MED13L: variants seen among roughly 807,000 people sequenced by gnomAD.
The protein encoded by MED13L is mediator of RNA polymerase II transcription subunit 13-like.
MED13L carries 7 observed loss-of-function variants against 220.9 expected under a neutral mutation model. That is an observed-to-expected ratio of 0.03 (90% confidence interval 0.02 to 0.06). The LOEUF is 0.06. Ranked by LOEUF, MED13L falls within the 10% of genes least tolerant of loss-of-function variation. MED13L has a pLI of 1.00. For synonymous variants in MED13L, 1,011 were observed against 1,015.2 expected (o/e 1.00, Z 0.08); for missense variants, 1,965 against 2,760.5 (o/e 0.71, Z 6.46).
At chr12:116,125,721 T>C (rs143835152) in intron 2 of MED13L, among the ~76,000 whole-genome samples, 2 of 152,342 alleles carry the variant, frequency 1.3e-5, no homozygotes, top group African/African-American at 4.8e-5. Context: ...ATCAAATTAC[T>C]TCTGCATACT....
chr12:116,100,625 A>C (rs1212129678), intron 3 of MED13L, among the ~76,000 whole-genome samples: 1 of 149,570 alleles, frequency 6.7e-6, no homozygotes. Context: ...AAAAAAAATT[A>C]ATCAGCCAGG....
At chr12:116,238,797 T>TA (rs1870337176) in intron 1 of MED13L, among the ~76,000 whole-genome samples, 1 of 152,186 alleles carries the variant, frequency 6.6e-6, no homozygotes, top group Admixed American at 6.5e-5. Context: ...TAATCCAAAT[T>TA]AAAAAGGTTT....
In MED13L at chr12:115,959,016, T is replaced by A. The variant is rs939002687; in HGVS notation, c.*2250A>T. ...TTCCAAAATTAAAAATAAAAAAAAA[T>A]AAAATAACTTCTCACTCTGTAGCAA... On this transcript the variant is annotated 3_prime_UTR_variant, in exon 31 of 31. Transcript: ENST00000281928. The A allele has an allele frequency of 1.3e-5, 2 of 152,142 alleles. No individual in the cohort carries two copies. Among genetic ancestry groups the A allele is most frequent in the Non-Finnish European group, 2.9e-5 (2 of 67,944 alleles). 9.4% of individuals were successfully genotyped at this position (152,142 alleles called of 1,614,324 possible).
chr12:116,070,567 G>A (rs937496448), intron 4 of MED13L, among the ~76,000 whole-genome samples: 1 of 152,030 alleles, frequency 6.6e-6, no homozygotes, highest in East Asian at 1.9e-4. Context: ...CAAAGTTCAG[G>A]CTCTTTAGCA....
At chr12:116,102,073 A>G (rs1005576839) in intron 3 of MED13L, among the ~76,000 whole-genome samples, 1 of 152,100 alleles carries the variant, frequency 6.6e-6, no homozygotes, top group Admixed American at 6.6e-5. Flanking sequence ...TCTGTTCCCA[A>G]CCCCCACCAC....
At chr12:116,200,138 G>GT (rs1452030259) in intron 2 of MED13L, among the ~76,000 whole-genome samples, 3 of 150,112 alleles carry the variant, frequency 2.0e-5, no homozygotes, top group Non-Finnish European at 4.4e-5. Context: ...TAAATAGCCT[G>GT]TTTTTTAAAA....
intron 1 of MED13L, among the ~76,000 whole-genome samples, chr12:116,249,916 G>A (rs1871373509): frequency 6.7e-6 from 1 of 149,262 alleles, no homozygotes; most frequent in South Asian, 2.1e-4. Context: ...ATGTAGGAGA[G>A]AAGGGGGACA....
chr12:116,256,414 G>A (rs73200241), intron 1 of MED13L, among the ~76,000 whole-genome samples: 36,496 of 151,926 alleles, frequency 0.24, 4,504 homozygotes, highest in Middle Eastern at 0.33. Context: ...ACAGCAGATT[G>A]GTAGTTGCCT....
intron 2 of MED13L, among the ~76,000 whole-genome samples, chr12:116,208,361 A>G (rs1279895009): frequency 6.6e-6 from 1 of 152,194 alleles, no homozygotes; most frequent in Non-Finnish European, 1.5e-5. Context: ...GTGCCATTGC[A>G]CTCCAGCTTG....
chr12:116,005,567 A>G (rs1032158510), intron 13 of MED13L, among the ~76,000 whole-genome samples: 1 of 152,238 alleles, frequency 6.6e-6, no homozygotes, highest in African/African-American at 2.4e-5. Context: ...AGAATTTATT[A>G]CAATAAATGT....
intron 4 of MED13L, among the ~76,000 whole-genome samples, chr12:116,070,320 A>G (rs1335803425): frequency 1.3e-5 from 2 of 152,162 alleles, no homozygotes; most frequent in African/African-American, 2.4e-5. Context: ...TAAAATGGGG[A>G]TGCTATCATT....
At chr12:116,125,882 T>A (rs1875543860) in intron 2 of MED13L, among the ~76,000 whole-genome samples, 1 of 151,108 alleles carries the variant, frequency 6.6e-6, no homozygotes, top group South Asian at 2.1e-4. Context: ...AACTATGGTT[T>A]ACATATGAAT....
chr12:116,190,248 C>A (rs988520563), intron 2 of MED13L, among the ~76,000 whole-genome samples: 8 of 152,100 alleles, frequency 5.3e-5, no homozygotes, highest in Admixed American at 3.9e-4. Flanking sequence ...TCTCCCACTA[C>A]AATTTTTCTG....
intron 2 of MED13L, among the ~76,000 whole-genome samples, chr12:116,176,089 A>T (rs1308719248): frequency 6.6e-6 from 1 of 152,298 alleles, no homozygotes; most frequent in East Asian, 1.9e-4. Context: ...AAAAAAGTGG[A>T]TCAGGAATAA....
At chr12:115,961,884 T>C (rs1875783648) in intron 30 of MED13L, among the ~76,000 whole-genome samples, 2 of 152,014 alleles carry the variant, frequency 1.3e-5, no homozygotes, top group African/African-American at 4.8e-5. Flanking sequence ...GGCAGGAGAA[T>C]TGCTTGAACC....
chr12:116,017,330 A>G (rs1455627593), intron 7 of MED13L, among the ~76,000 whole-genome samples: 1 of 152,240 alleles, frequency 6.6e-6, no homozygotes, highest in African/African-American at 2.4e-5. Context: ...GCAGGCCTTC[A>G]ATTTTAAGTT....
chr12:116,241,271 C>G (rs1870613694), intron 1 of MED13L, among the ~76,000 whole-genome samples: 2 of 150,888 alleles, frequency 1.3e-5, no homozygotes, highest in Non-Finnish European at 3.0e-5. Context: ...AGCCACTGCA[C>G]TCCAGCCTGG....
intron 2 of MED13L, among the ~76,000 whole-genome samples, chr12:116,143,961 C>G (rs1877284270): frequency 6.6e-6 from 1 of 152,110 alleles, no homozygotes; most frequent in South Asian, 2.1e-4. Flanking sequence ...TTTAAATCCC[C>G]AATTATTTCA....
intron 2 of MED13L, among the ~76,000 whole-genome samples, chr12:116,201,205 C>T (rs1881985898): frequency 6.6e-6 from 1 of 152,068 alleles, no homozygotes; most frequent in South Asian, 2.1e-4. Flanking sequence ...AGTCCTCTAT[C>T]CCAAATTGAA....
Sources: allele counts gnomAD v4.1 joint callset (sites outside exome capture counted in the v4.1 genomes callset), GRCh38; gene constraint gnomAD v4.1.1; transcripts MANE v1.5; gene names NCBI Gene and HGNC (gene_info 2026-07-23, HGNC 2026-07-21).